CYP7B1: variants seen among roughly 807,000 people sequenced by gnomAD.
The protein encoded by CYP7B1 is cytochrome P450 family 7 subfamily B member 1.
CYP7B1 carries 29 observed loss-of-function variants against 42.7 expected under a neutral mutation model. That is an observed-to-expected ratio of 0.68 (90% CI 0.51 to 0.93). The LOEUF is 0.93. CYP7B1 is among the 40% of genes least tolerant of loss of function. The pLI is 0.00. For missense variants in CYP7B1, 655 were observed against 600.5 expected (o/e 1.09, Z -0.95); for synonymous variants, 235 against 218.2 (o/e 1.08, Z -0.68).
chr8:64,718,721 G>A (rs1807193451), intron 1 of CYP7B1, among the ~76,000 whole-genome samples: 1 of 152,210 alleles, frequency 6.6e-6, no homozygotes, highest in Non-Finnish European at 1.5e-5. Context: ...TCCATTCCAG[G>A]CAGACTAGGT....
Position 64,595,678 on chromosome 8 carries a change from C to A in CYP7B1, c.*964G>T, listed in dbSNP as rs1258333541. The stretch of plus-strand genomic sequence containing the variant: ...GCTGCATGTGTCATATGAAATTACA[C>A]TGCATTACATGATGTTGTAATTCAA... On this transcript the variant is annotated 3_prime_UTR_variant, in exon 6 of 6. Transcript: ENST00000310193. Among the ~76,000 whole-genome samples the A allele has an allele frequency of 7.2e-5, 11 of 152,158 alleles. No individual in the cohort carries two copies. Among genetic ancestry groups the A allele is most frequent in the Non-Finnish European group, 2.9e-5 (2 of 68,034 alleles).
intron 1 of CYP7B1, among the ~76,000 whole-genome samples, chr8:64,730,431 T>C (rs1807391598): frequency 6.6e-6 from 1 of 152,082 alleles, no homozygotes; most frequent in African/African-American, 2.4e-5. Flanking sequence ...CATAGGTTTA[T>C]CACTGAGAGA....
rs191893935 is a variant in CYP7B1 at position 64,763,733 on chromosome 8, G to A, written c.122+34733C>T. On this transcript the variant is annotated intron_variant, in intron 1 of 5. Coordinates refer to ENST00000310193, the MANE Select transcript of CYP7B1 (RefSeq NM_004820.5). ...CAGTTTTCCTGGGGAAGCCGAGGCC[G>A]CCTAGAGGCAGAAAGCTGTCATCCC... 3.2e-4 allele frequency among the ~76,000 whole-genome samples: 48 copies of A among 152,312 alleles called. No homozygotes were observed. The East Asian group carries it at 6.2e-3, about 20-fold the overall frequency.
rs1342291953 is a variant in CYP7B1 at position 64,624,406 on chromosome 8, CAAG to C, written c.253_255del (p.Leu85del). ...TATTAATAGAAGTGCTTCTTACCAC[CAAG>C]AAGAACTGTGAAAGTGTCACCATGT... is the stretch of plus-strand genomic sequence containing the variant. On this transcript the variant is annotated inframe_deletion, in exon 2 of 6. Transcript: ENST00000310193. 14 of 1,613,128 alleles carry C rather than the reference CAAG, an allele frequency of 8.7e-6. No individual in the cohort carries two copies. The highest frequency in any genetic ancestry group is 1.1e-5 in the Non-Finnish European group (13 of 1,179,660).
intron 1 of CYP7B1, among the ~76,000 whole-genome samples, chr8:64,663,434 T>G (rs1434550738): frequency 6.6e-6 from 1 of 152,216 alleles, no homozygotes; most frequent in African/African-American, 2.4e-5. Context: ...ATGAGGGGGC[T>G]GAATCAACAG....
intron 1 of CYP7B1, among the ~76,000 whole-genome samples, chr8:64,663,525 G>A (rs944656705): frequency 6.6e-6 from 1 of 152,170 alleles, no homozygotes; most frequent in African/African-American, 2.4e-5. Context: ...CATAGACAGG[G>A]CCTCCTTGAT....
chr8:64,774,680 G>A (rs957135968), intron 1 of CYP7B1, among the ~76,000 whole-genome samples: 1 of 152,166 alleles, frequency 6.6e-6, no homozygotes, highest in Non-Finnish European at 1.5e-5. Context: ...AACCCCCTTA[G>A]TGGCAGAAAT....
chr8:64,725,958 C>T (rs1807317571), intron 1 of CYP7B1, among the ~76,000 whole-genome samples: 1 of 152,174 alleles, frequency 6.6e-6, no homozygotes, highest in Non-Finnish European at 1.5e-5. Flanking sequence ...CGTGTGGCTG[C>T]AGGGCCAGAG....
intron 4 of CYP7B1, among the ~76,000 whole-genome samples, chr8:64,611,617 A>G (rs1268631648): frequency 6.6e-6 from 1 of 152,130 alleles, no homozygotes; most frequent in African/African-American, 2.4e-5. Flanking sequence ...TTTTTAAAAA[A>G]GTATTACAGA....
intron 1 of CYP7B1, among the ~76,000 whole-genome samples, chr8:64,733,121 TGA>T (rs2129633122): frequency 6.6e-6 from 1 of 152,288 alleles, no homozygotes; most frequent in African/African-American, 2.4e-5. Context: ...ATTAGCAGCA[TGA>T]GAATGCACTA....
At chr8:64,599,219 C>T (rs985520459) in intron 5 of CYP7B1, among the ~76,000 whole-genome samples, 5 of 151,904 alleles carry the variant, frequency 3.3e-5, no homozygotes, top group Non-Finnish European at 5.9e-5. Flanking sequence ...GACGGAGTCT[C>T]GCTCTGTCGC....
At chr8:64,753,721 G>A (rs904476234) in intron 1 of CYP7B1, among the ~76,000 whole-genome samples, 1 of 152,166 alleles carries the variant, frequency 6.6e-6, no homozygotes, top group African/African-American at 2.4e-5. Flanking sequence ...ATAAAGAAAC[G>A]AAATGAAATC....
intron 1 of CYP7B1, among the ~76,000 whole-genome samples, chr8:64,634,685 A>T (rs1805745101): frequency 6.6e-6 from 1 of 152,194 alleles, no homozygotes; most frequent in Non-Finnish European, 1.5e-5. Context: ...CAAAAAGTAC[A>T]GTCTACAAAT....
chr8:64,740,428 C>T (rs1031723592), intron 1 of CYP7B1, among the ~76,000 whole-genome samples: 1 of 151,312 alleles, frequency 6.6e-6, no homozygotes, highest in Admixed American at 6.6e-5. Context: ...ATTTAGCATT[C>T]AACTCAAGAA....
chr8:64,650,202 T>C (rs1806016990), intron 1 of CYP7B1, among the ~76,000 whole-genome samples: 1 of 152,210 alleles, frequency 6.6e-6, no homozygotes, highest in African/African-American at 2.4e-5. Flanking sequence ...GAAAAATATA[T>C]AAGTTGGTTG....
intron 1 of CYP7B1, among the ~76,000 whole-genome samples, chr8:64,794,890 G>C (rs1804680506): frequency 1.3e-5 from 2 of 151,860 alleles, no homozygotes; most frequent in Non-Finnish European, 2.9e-5. Context: ...ACACTTCATA[G>C]GAAAAAAACA....
intron 1 of CYP7B1, among the ~76,000 whole-genome samples, chr8:64,692,172 T>C (rs1168362116): frequency 6.6e-6 from 1 of 152,236 alleles, no homozygotes; most frequent in Admixed American, 6.5e-5. Flanking sequence ...AAGCAGCCTC[T>C]GGAAGACCAA....
intron 1 of CYP7B1, among the ~76,000 whole-genome samples, chr8:64,684,511 A>G (rs1806589896): frequency 6.6e-6 from 1 of 152,244 alleles, no homozygotes; most frequent in South Asian, 2.1e-4. Flanking sequence ...TAGATTTGCT[A>G]AGCAGCGGAA....
At chr8:64,589,948 ATAAT>A (rs1449376138), downstream of CYP7B1, 1 of 152,330 alleles carries the variant, frequency 6.6e-6, no homozygotes, top group African/African-American at 2.4e-5. Flanking sequence ...TCAACAGTAA[ATAAT>A]TAACAATAAA....
Sources: allele counts gnomAD v4.1 joint callset (sites outside exome capture counted in the v4.1 genomes callset), GRCh38; gene constraint gnomAD v4.1.1; transcripts MANE v1.5; gene names NCBI Gene and HGNC (gene_info 2026-07-23, HGNC 2026-07-21).